SGCZ: variants seen among roughly 807,000 people sequenced by gnomAD.
SGCZ encodes zeta-sarcoglycan.
Under a neutral mutation model 41.3 loss-of-function variants are expected in SGCZ, and 40 were observed. The ratio of observed to expected loss-of-function variants is 0.97; its 90% CI spans 0.75 to 1.26. The LOEUF is 1.26. SGCZ is among the 50% of genes most tolerant of loss of function. The pLI is 0.00. For synonymous variants in SGCZ, 206 were observed against 137.5 expected (o/e 1.50, Z -3.49); for missense variants, 552 against 369.8 (o/e 1.49, Z -4.04).
At chr8:15,115,230 G>T (rs536063737) in intron 1 of SGCZ, among the ~76,000 whole-genome samples, 1 of 152,220 alleles carries the variant, frequency 6.6e-6, no homozygotes, top group African/African-American at 2.4e-5. Context: ...GCTATCAAAG[G>T]CAGGGCAGTT....
At chr8:14,775,969 A>G (rs1041167325) in intron 1 of SGCZ, among the ~76,000 whole-genome samples, 7 of 152,202 alleles carry the variant, frequency 4.6e-5, no homozygotes, top group Non-Finnish European at 7.3e-5. Context: ...GGCTTTTCCA[A>G]GGTAAATAAG....
chr8:14,734,547 T>A (rs550762375), intron 1 of SGCZ, among the ~76,000 whole-genome samples: 3 of 152,272 alleles, frequency 2.0e-5, no homozygotes, highest in Non-Finnish European at 4.4e-5. Flanking sequence ...TATTTGCCCA[T>A]TAGTCTTTTT....
chr8:14,450,844 T>C (rs921480583), intron 2 of SGCZ, among the ~76,000 whole-genome samples: 3 of 152,208 alleles, frequency 2.0e-5, no homozygotes, highest in Non-Finnish European at 2.9e-5. Flanking sequence ...CTATTTTTCC[T>C]GATATGTGTA....
chr8:14,418,461 G>C (rs938094983), intron 2 of SGCZ, among the ~76,000 whole-genome samples: 2 of 151,888 alleles, frequency 1.3e-5, no homozygotes, highest in Non-Finnish European at 1.5e-5. Context: ...TTGTCTTGCT[G>C]TCAGGAAGAT....
At chr8:14,682,483 G>A (rs1055770973) in intron 1 of SGCZ, among the ~76,000 whole-genome samples, 8 of 147,350 alleles carry the variant, frequency 5.4e-5, no homozygotes, top group Non-Finnish European at 8.9e-5. Flanking sequence ...CGCCCAGGCT[G>A]GAGTGCAGTG....
Position 14,267,186 on chromosome 8 carries a change from A to T in SGCZ, c.337-29507T>A, listed in dbSNP as rs151009799. Among the ~76,000 whole-genome samples, 873 of 152,144 alleles carry T rather than the reference A, an allele frequency of 5.7e-3. 8 individuals are homozygous for T. Among genetic ancestry groups the T allele is most frequent in the African/African-American group, 0.02 (811 of 41,530 alleles). On this transcript the variant is annotated intron_variant, in intron 3 of 7. Transcript: ENST00000382080. ...TTTCTTTTTTAGTACATTATGGATT[A>T]AGTAATATCCTTGACAATATGCATA...
intron 2 of SGCZ, among the ~76,000 whole-genome samples, chr8:14,368,130 A>C (rs1402894104): frequency 6.6e-6 from 1 of 152,046 alleles, no homozygotes; most frequent in Admixed American, 6.6e-5. Flanking sequence ...TGGGTTTTGG[A>C]CATGAGTGTG....
chr8:14,933,481 G>C (rs527484571), intron 1 of SGCZ, among the ~76,000 whole-genome samples: 4 of 146,204 alleles, frequency 2.7e-5, no homozygotes, highest in East Asian at 2.0e-4. Flanking sequence ...GTCCAGGCTG[G>C]AGTGCAGTCG....
rs1312444969 is a variant in SGCZ, at chr8:14,119,831, T to C, written c.548-11596A>G. Among the ~76,000 whole-genome samples, 3 of 152,208 alleles carry C rather than the reference T, an allele frequency of 2.0e-5. No individual in the cohort carries two copies. The East Asian group carries it at 5.8e-4, about 29-fold the overall frequency. ...TCTATTTAGATAATCGTGTGGTTTT[T>C]GTGATTGGTTCTGTTTATATGATGG... On this transcript the variant is annotated intron_variant, in intron 5 of 7. Transcript: ENST00000382080.
chr8:14,706,327 C>A (rs867745299), intron 1 of SGCZ, among the ~76,000 whole-genome samples: 1 of 140,926 alleles, frequency 7.1e-6, no homozygotes, highest in African/African-American at 3.2e-5. Flanking sequence ...TTCTTTTTGA[C>A]AATTGTGTTT....
intron 2 of SGCZ, among the ~76,000 whole-genome samples, chr8:14,552,013 T>G (rs1211008225): frequency 1.3e-5 from 2 of 151,880 alleles, no homozygotes; most frequent in African/African-American, 4.8e-5. Context: ...TTTCCCTGTG[T>G]TGGATACAAT....
chr8:15,201,371 C>A (rs1340565171), intron 1 of SGCZ, among the ~76,000 whole-genome samples: 1 of 152,176 alleles, frequency 6.6e-6, no homozygotes, highest in African/African-American at 2.4e-5. Flanking sequence ...CTGCCGATGA[C>A]TCATAGTTTG....
intron 3 of SGCZ, among the ~76,000 whole-genome samples, chr8:14,314,041 T>C (rs1429000983): frequency 6.6e-6 from 1 of 152,028 alleles, no homozygotes; most frequent in Non-Finnish European, 1.5e-5. Flanking sequence ...TGAAGGGATC[T>C]TCATTTTTTT....
chr8:15,006,846 G>T (rs1287414307), intron 1 of SGCZ, among the ~76,000 whole-genome samples: 3 of 152,162 alleles, frequency 2.0e-5, no homozygotes, highest in Non-Finnish European at 4.4e-5. Flanking sequence ...ACTATCAGGG[G>T]ATTTTAAATG....
chr8:15,223,671 G>C (rs1585691280), intron 1 of SGCZ, among the ~76,000 whole-genome samples: 1 of 152,234 alleles, frequency 6.6e-6, no homozygotes, highest in East Asian at 1.9e-4. Context: ...TGATTTGGTA[G>C]AGAACATTAG....
At chr8:14,392,324 G>A (rs1804807028) in intron 2 of SGCZ, among the ~76,000 whole-genome samples, 1 of 152,100 alleles carries the variant, frequency 6.6e-6, no homozygotes, top group Non-Finnish European at 1.5e-5. Context: ...CTAGCTTTTA[G>A]ATGGTATGAA....
intron 1 of SGCZ, among the ~76,000 whole-genome samples, chr8:15,217,371 T>G (rs1043672928): frequency 1.3e-5 from 2 of 149,484 alleles, no homozygotes; most frequent in Non-Finnish European, 3.0e-5. Flanking sequence ...GAGTCGAGAT[T>G]GCGCCACCGC....
intron 4 of SGCZ, among the ~76,000 whole-genome samples, chr8:14,234,332 T>C (rs935929524): frequency 2.6e-5 from 4 of 151,982 alleles, no homozygotes; most frequent in African/African-American, 9.7e-5. Context: ...TGAGTGGAAT[T>C]AGTAGGAAGC....
chr8:14,177,803 C>G (rs1317281908), intron 4 of SGCZ, among the ~76,000 whole-genome samples: 1 of 150,842 alleles, frequency 6.6e-6, no homozygotes, highest in East Asian at 2.0e-4. Flanking sequence ...GGATTACAGG[C>G]GTGAGCCACT....
Sources: gnomAD v4.1 joint callset for allele counts (sites outside exome capture counted in the v4.1 genomes callset) on GRCh38, gnomAD v4.1.1 for gene constraint, MANE v1.5 for transcripts, NCBI Gene and HGNC (gene_info 2026-07-23, HGNC 2026-07-21) for gene names.